The following VCX2 variants were observed in gnomAD, a reference collection of about 807,000 sequenced individuals.
The protein encoded by VCX2 is variable charge X-linked protein 2.
For synonymous variants in VCX2, 37 were observed against 53.9 expected (o/e 0.69, Z 1.38); for missense variants, 83 against 116.6 (o/e 0.71, Z 1.33).
intron 1 of VCX2, 57 bp downstream of exon 1, chrX:8,171,050 G>C (rs1404506026): frequency 3.4e-6 from 1 of 292,030 alleles, no homozygotes; most frequent in African/African-American, 2.6e-5. Flanking sequence ...CTCCCATTCA[G>C]TGGTACATTC....
rs143292393 is a variant in VCX2 at position 8,170,106 on chromosome X, G to C, written c.346C>G (p.Gln116Glu). Residue 116 changes from glutamine to glutamate, a missense_variant, in exon 3 of 3, where the codon CAG becomes GAG. Transcript: ENST00000317103. The part of the protein sequence containing the change: ...QESEVEEPLS[Q>E]ESEVEEPLTV... Reference sequence around the variant, plus strand: ...AGTGGTTCTTCCACCTCGCTCTCCTGACTCAGTGGTTCTTCCACCTCGCTC... The same window carrying C: ...AGTGGTTCTTCCACCTCGCTCTCCTCACTCAGTGGTTCTTCCACCTCGCTC... The C allele has an allele frequency of 2.5e-5, 30 of 1,184,004 alleles. No homozygotes were observed. Among genetic ancestry groups the C allele is most frequent in the Non-Finnish European group, 3.0e-5 (27 of 886,204 alleles).
Position 8,170,038 on chromosome X carries a change from G to C in VCX2, c.414C>G (p.Thr138=). 8.3e-7 allele frequency: 1 copy of C among 1,200,545 alleles called. No individual in the cohort carries two copies. Among genetic ancestry groups the C allele is most frequent in the Non-Finnish European group, 1.1e-6 (1 of 892,622 alleles). Residue 138 remains threonine (T), a synonymous_variant, in exon 3 of 3, where the codon ACC becomes ACG. Transcript: ENST00000317103. ...MASFSPVSES[T]D is the part of the protein sequence containing the mutation. ...CTGGCGGCTGGGCCTGAACTTAGTC[G>C]GTGCTCTCGGAGACAGGGGAAAAGC...
In VCX2 at chrX:8,170,151, G is replaced by A. The variant is rs139945143; in HGVS notation, c.301C>T (p.His101Tyr). The change falls in exon 3 of 3, where the codon CAC (histidine) becomes TAC (tyrosine). Residue 101 changes from histidine to tyrosine, a missense_variant. His to Tyr is a moderately conservative substitution (Grantham distance 83). Coordinates refer to ENST00000317103, the MANE Select transcript of VCX2 (RefSeq NM_016378.3). ...TCGCTCTCCTGACTCAGGGGGTCGT[G>A]CTGGGTCCCCTCGCTCACTGGCTCC... is the stretch of plus-strand genomic sequence containing the variant. ...PEEPVSEGTQHDPLSQESEVE... is the reference protein window; with the variant it reads ...PEEPVSEGTQYDPLSQESEVE... The A allele has an allele frequency of 9.0e-6, 10 of 1,111,369 alleles. No homozygotes were observed. Among genetic ancestry groups the A allele is most frequent in the Middle Eastern group, 3.4e-4 (1 of 2,909 alleles). 91.6% of individuals were successfully genotyped at this position (1,111,369 alleles called of 1,213,427 possible).
Position 8,170,091 on chromosome X carries a change from C to T in VCX2, c.361G>A (p.Glu121Lys), listed in dbSNP as rs765534143. The T allele has an allele frequency of 5.0e-6, 6 of 1,195,374 alleles. No homozygotes were observed. The highest frequency in any genetic ancestry group is 1.8e-5 in the South Asian group (1 of 56,098). Residue 121 changes from glutamate (E) to lysine (K), a missense_variant, in exon 3 of 3, where the codon GAA (glutamate) becomes AAA (lysine). Coordinates refer to ENST00000317103, the MANE Select transcript of VCX2 (RefSeq NM_016378.3). ...GCCATCCACACAGTCAGTGGTTCTT[C>T]CACCTCGCTCTCCTGACTCAGTGGT... ...EEPLSQESEV[E>K]EPLTVWMASF...
Sources: allele counts gnomAD v4.1 joint callset, GRCh38; gene constraint gnomAD v4.1.1; transcripts MANE v1.5; gene names NCBI Gene and HGNC (gene_info 2026-07-23, HGNC 2026-07-21).